Variants in MACROD2 observed in about 807,000 individuals in gnomAD.
MACROD2 encodes mono-ADP ribosylhydrolase 2.
In MACROD2, 36 loss-of-function variants were observed where a neutral mutation model predicts 70.4. That is an observed-to-expected ratio of 0.51 (90% confidence interval 0.39 to 0.68). The LOEUF (loss-of-function observed/expected upper bound fraction) is 0.68, where lower values mean the gene tolerates loss of function less well. Ranked by LOEUF, MACROD2 falls within the 30% of genes least tolerant of loss-of-function variation. The pLI is 0.00. For synonymous variants in MACROD2, 172 were observed against 178.8 expected (o/e 0.96, Z 0.30); for missense variants, 496 against 538.4 (o/e 0.92, Z 0.78).
intron 5 of MACROD2, among the ~76,000 whole-genome samples, chr20:14,936,872 T>G (rs1285786098): frequency 6.6e-6 from 1 of 152,120 alleles, no homozygotes; most frequent in Non-Finnish European, 1.5e-5. Flanking sequence ...TGTCAGCTGA[T>G]GAGGAGAGGG....
intron 6 of MACROD2, among the ~76,000 whole-genome samples, chr20:15,296,468 A>G (rs934451592): frequency 6.6e-6 from 1 of 152,216 alleles, no homozygotes; most frequent in African/African-American, 2.4e-5. Flanking sequence ...TCATAATTAT[A>G]TGATGTTTCT....
At chr20:15,443,398 A>AAT in intron 7 of MACROD2, among the ~76,000 whole-genome samples, 1 of 152,276 alleles carries the variant, frequency 6.6e-6, no homozygotes, top group East Asian at 1.9e-4. Context: ...AGCTGAAGAT[A>AAT]ATAGTTCATA....
chr20:14,774,040 A>C (rs555999365), intron 5 of MACROD2, among the ~76,000 whole-genome samples: 1 of 152,052 alleles, frequency 6.6e-6, no homozygotes, highest in African/African-American at 2.4e-5. Flanking sequence ...TCTTTATAAT[A>C]TACATTTACT....
At chr20:14,520,203 T>C (rs1355445846) in intron 4 of MACROD2, among the ~76,000 whole-genome samples, 1 of 152,170 alleles carries the variant, frequency 6.6e-6, no homozygotes, top group African/African-American at 2.4e-5. Context: ...CGTGTACCCC[T>C]ACACCTAAAG....
chr20:14,903,039 CTTTT>C (rs11483540), intron 5 of MACROD2, among the ~76,000 whole-genome samples: 2 of 116,754 alleles, frequency 1.7e-5, no homozygotes, highest in Non-Finnish European at 1.7e-5. Flanking sequence ...TTTTCTTTCC[CTTTT>C]TTTTTTTTTT....
intron 7 of MACROD2, among the ~76,000 whole-genome samples, chr20:15,472,831 C>G (rs1202218412): frequency 6.6e-6 from 1 of 152,162 alleles, no homozygotes; most frequent in African/African-American, 2.4e-5. Flanking sequence ...CCTATGCTCA[C>G]AGTACCTCTA....
intron 5 of MACROD2, among the ~76,000 whole-genome samples, chr20:14,735,383 T>C (rs1483443249): frequency 1.3e-5 from 2 of 152,178 alleles, no homozygotes; most frequent in African/African-American, 4.8e-5. Flanking sequence ...ATGAAGCACA[T>C]GAACAGGCGT....
chr20:14,177,607 C>T (rs574039187), intron 3 of MACROD2, among the ~76,000 whole-genome samples: 2 of 152,226 alleles, frequency 1.3e-5, no homozygotes, highest in Admixed American at 6.5e-5. Context: ...TGAGCCACCA[C>T]GTCAAGCCGA....
chr20:14,994,998 A>G (rs2074937327), intron 5 of MACROD2, among the ~76,000 whole-genome samples: 1 of 152,152 alleles, frequency 6.6e-6, no homozygotes, highest in Non-Finnish European at 1.5e-5. Flanking sequence ...AAGTAACAAC[A>G]AATTTAGTTG....
At chr20:15,862,680 C>A in intron 8 of MACROD2, 65 bp from the exon 9 acceptor site, 1 of 1,316,722 alleles carries the variant, frequency 7.6e-7, no homozygotes, top group Non-Finnish European at 1.1e-6. Context: ...TGTTCTACGG[C>A]TATGTCCTGG....
At chr20:14,377,695 A>C (rs556022089) in intron 3 of MACROD2, among the ~76,000 whole-genome samples, 117 of 152,364 alleles carry the variant, frequency 7.7e-4, no homozygotes, top group African/African-American at 2.6e-3. Context: ...TTGTTCACCT[A>C]TTAGCATTTT....
In MACROD2 at chr20:15,316,050, A is replaced by G. The variant is rs149702078; in HGVS notation, c.540+85989A>G. Among the ~76,000 whole-genome samples the G allele has an allele frequency of 6.6e-3, 998 of 152,128 alleles. 11 individuals carry two copies. Among genetic ancestry groups the G allele is most frequent in the African/African-American group, 0.023 (943 of 41,526 alleles). On this transcript the variant is annotated intron_variant, in intron 6 of 17. Transcript: ENST00000684519. ...TTCCCACAGTAACCACTGAGAAAAT[A>G]TCTTTAAAAAACACACAAAAAGAAA...
chr20:14,505,438 C>T (rs1438809582), intron 4 of MACROD2, among the ~76,000 whole-genome samples: 1 of 152,134 alleles, frequency 6.6e-6, no homozygotes. Flanking sequence ...TATACCCAAA[C>T]GCCAATGGTT....
chr20:16,012,773 G>A (rs1185883716), intron 15 of MACROD2, among the ~76,000 whole-genome samples: 2 of 152,198 alleles, frequency 1.3e-5, no homozygotes, highest in Non-Finnish European at 2.9e-5. Context: ...CCATGGGAGA[G>A]CACGTGTGAC....
chr20:15,959,589 G>T (rs2066029217), intron 12 of MACROD2, among the ~76,000 whole-genome samples: 1 of 152,180 alleles, frequency 6.6e-6, no homozygotes, highest in African/African-American at 2.4e-5. Flanking sequence ...GAGTGCAGTG[G>T]CACGATATTG....
At chr20:15,148,248 G>T (rs184207051) in intron 5 of MACROD2, among the ~76,000 whole-genome samples, 1 of 151,856 alleles carries the variant, frequency 6.6e-6, no homozygotes, top group East Asian at 1.9e-4. Context: ...ATGACATTGT[G>T]GGGGGTTGTT....
rs73238894 is a variant in MACROD2 at position 15,666,811 on chromosome 20, C to A, written c.645+166964C>A. ...AGTGCCACGAGCCATGTCAGAAGAA[C>A]CCCCTGCATTGGTAAAGAAGCACGC... On this transcript the variant is annotated intron_variant, in intron 8 of 17. Coordinates refer to ENST00000684519, the MANE Select transcript of MACROD2 (RefSeq NM_001351661.2). 3.3e-3 allele frequency among the ~76,000 whole-genome samples: 497 copies of A among 152,286 alleles called. 3 individuals carry two copies. Among genetic ancestry groups the A allele is most frequent in the African/African-American group, 0.011 (463 of 41,566 alleles).
At chr20:14,385,080 G>A (rs2083456479) in intron 3 of MACROD2, among the ~76,000 whole-genome samples, 1 of 152,010 alleles carries the variant, frequency 6.6e-6, no homozygotes. Flanking sequence ...TCAAATTGGG[G>A]ACAAGTTACA....
At chr20:15,564,156 A>G (rs1423078432) in intron 8 of MACROD2, among the ~76,000 whole-genome samples, 5 of 152,198 alleles carry the variant, frequency 3.3e-5, no homozygotes, top group African/African-American at 1.2e-4. Context: ...AGTTGCCATC[A>G]CTGTTACTGT....
Sources: allele counts gnomAD v4.1 joint callset (sites outside exome capture counted in the v4.1 genomes callset), GRCh38; gene constraint gnomAD v4.1.1; transcripts MANE v1.5; gene names NCBI Gene and HGNC (gene_info 2026-07-23, HGNC 2026-07-21).